The following SDCCAG8 variants were observed in gnomAD, a reference collection of about 807,000 sequenced individuals.
SDCCAG8 encodes the protein SHH signaling and ciliogenesis regulator SDCCAG8, also known as serologically defined colon cancer antigen 8.
In SDCCAG8, 74 loss-of-function variants were observed where a neutral mutation model predicts 101.8. The observed-to-expected ratio is 0.73, with a 90% CI of 0.60 to 0.88. The LOEUF is 0.88. SDCCAG8 is among the 40% of genes least tolerant of loss of function. The pLI is 0.00. For missense variants in SDCCAG8, 787 were observed against 822.6 expected (o/e 0.96, Z 0.53); for synonymous variants, 281 against 292.9 (o/e 0.96, Z 0.41).
At chr1:243,328,388 C>T (rs1414987177) in intron 9 of SDCCAG8, among the ~76,000 whole-genome samples, 3 of 152,138 alleles carry the variant, frequency 2.0e-5, no homozygotes, top group East Asian at 1.9e-4. Context: ...AAGCGATTCT[C>T]CTGCCTCAGC....
intron 7 of SDCCAG8, chr1:243,305,615 A>G (rs2072016858): frequency 1.3e-5 from 2 of 152,160 alleles, no homozygotes; most frequent in Admixed American, 1.3e-4. Context: ...GAGTAGAAAA[A>G]GACAGCAGGA....
At chr1:243,421,942 A>C (rs2148030483) in intron 15 of SDCCAG8, among the ~76,000 whole-genome samples, 1 of 152,332 alleles carries the variant, frequency 6.6e-6, no homozygotes, top group African/African-American at 2.4e-5. Flanking sequence ...TAGATGAATC[A>C]GCAGTAAAAC....
chr1:243,371,228 G>C (rs1286005922), intron 12 of SDCCAG8, among the ~76,000 whole-genome samples: 1 of 152,070 alleles, frequency 6.6e-6, no homozygotes, highest in African/African-American at 2.4e-5. Context: ...GTTTTAGAAG[G>C]CAGACTGTGT....
At chr1:243,391,384 G>A (rs1188805558) in intron 13 of SDCCAG8, among the ~76,000 whole-genome samples, 1 of 152,190 alleles carries the variant, frequency 6.6e-6, no homozygotes, top group East Asian at 1.9e-4. Context: ...AACTCTGTTA[G>A]AGCCACCAAG....
At chr1:243,296,535 CTTTT>C (rs756242066) in intron 6 of SDCCAG8, among the ~76,000 whole-genome samples, 697 of 57,860 alleles carry the variant, frequency 0.012, 1 homozygote, top group Non-Finnish European at 0.017. Flanking sequence ...CCCAACTGCT[CTTTT>C]TTTTTTTTTT....
chr1:243,418,772 C>T (rs758217223), intron 15 of SDCCAG8, among the ~76,000 whole-genome samples: 1 of 152,182 alleles, frequency 6.6e-6, no homozygotes, highest in Non-Finnish European at 1.5e-5. Context: ...ATTTGACCTA[C>T]TTGGACTATA....
chr1:243,390,460 C>T (rs143314230), intron 13 of SDCCAG8, among the ~76,000 whole-genome samples: 1 of 152,328 alleles, frequency 6.6e-6, no homozygotes, highest in Non-Finnish European at 1.5e-5. Flanking sequence ...CTGCTCTGCT[C>T]CACCTGTTTG....
At chr1:243,444,167 C>T (rs569202943) in intron 16 of SDCCAG8, among the ~76,000 whole-genome samples, 1 of 152,114 alleles carries the variant, frequency 6.6e-6, no homozygotes, top group East Asian at 1.9e-4. Flanking sequence ...AATTCAGACA[C>T]CATTTTAATT....
At chr1:243,467,085 G>A (rs1025717231) in intron 16 of SDCCAG8, among the ~76,000 whole-genome samples, 25 of 152,308 alleles carry the variant, frequency 1.6e-4, no homozygotes, top group African/African-American at 4.3e-4. Flanking sequence ...CCCAAACAGC[G>A]CTAAATTCCA....
chr1:243,363,497 A>C lies in SDCCAG8; in HGVS notation c.1474-15224A>C, dbSNP rs561305132. 6.0e-4 allele frequency among the ~76,000 whole-genome samples: 92 copies of C among 152,320 alleles called. 1 individual carries two copies. The South Asian group carries it at 0.019, about 31-fold the overall frequency. On this transcript the variant is annotated intron_variant, in intron 12 of 17. Transcript: ENST00000366541. ...TGGGAAACTCCCAATGAGAGGTCAA[A>C]ATTGAAATGGGGCTGTCTGAAATTC...
chr1:243,390,567 G>A (rs905521201), intron 13 of SDCCAG8, among the ~76,000 whole-genome samples: 1 of 152,176 alleles, frequency 6.6e-6, no homozygotes, highest in Admixed American at 6.5e-5. Flanking sequence ...TCTGCTTAAC[G>A]TTCCCTGGCT....
intron 9 of SDCCAG8, 78 bp from the exon 10 acceptor site, chr1:243,330,462 T>A: frequency 6.8e-7 from 1 of 1,469,858 alleles, no homozygotes; most frequent in South Asian, 1.2e-5. Context: ...TTAAATATAC[T>A]TAAAGCTTAA....
intron 16 of SDCCAG8, among the ~76,000 whole-genome samples, chr1:243,439,261 C>T (rs1166848186): frequency 2.0e-5 from 3 of 152,078 alleles, no homozygotes; most frequent in South Asian, 4.2e-4. Context: ...TTAAGTGATC[C>T]TCCCACCTCA....
At chr1:243,267,948 G>A (rs2067764431) in intron 1 of SDCCAG8, 1 of 790,682 alleles carries the variant, frequency 1.3e-6, no homozygotes, top group East Asian at 2.4e-5. Context: ...GTATTATATT[G>A]GCAAAATAAT....
At chr1:243,342,305 A>G (rs1030953795) in intron 11 of SDCCAG8, among the ~76,000 whole-genome samples, 2 of 152,358 alleles carry the variant, frequency 1.3e-5, no homozygotes, top group East Asian at 1.9e-4. Flanking sequence ...AACTAGCTGA[A>G]AGGACATATA....
intron 6 of SDCCAG8, chr1:243,293,614 A>T: frequency 2.7e-6 from 1 of 377,302 alleles, no homozygotes; most frequent in East Asian, 7.2e-5. Flanking sequence ...TTGTTGTAGC[A>T]TGTGTCAAAA....
At chr1:243,499,288 G>C (rs947807851) in intron 17 of SDCCAG8, among the ~76,000 whole-genome samples, 3 of 152,236 alleles carry the variant, frequency 2.0e-5, no homozygotes, top group African/African-American at 7.2e-5. Flanking sequence ...ATTGCTTGCA[G>C]TTACAAATTT....
chr1:243,269,252 G>C (rs2067883762), intron 1 of SDCCAG8: 1 of 150,718 alleles, frequency 6.6e-6, no homozygotes, highest in South Asian at 2.1e-4. Flanking sequence ...GGCCCAGTCA[G>C]TTTCAGATTA....
intron 9 of SDCCAG8, among the ~76,000 whole-genome samples, chr1:243,329,709 A>AT (rs1449409885): frequency 1.3e-5 from 2 of 152,214 alleles, no homozygotes; most frequent in Non-Finnish European, 2.9e-5. Context: ...ACTAAATTAC[A>AT]TTTGTACCCC....
Sources: allele counts gnomAD v4.1 joint callset (sites outside exome capture counted in the v4.1 genomes callset), GRCh38; gene constraint gnomAD v4.1.1; transcripts MANE v1.5; gene names NCBI Gene and HGNC (gene_info 2026-07-23, HGNC 2026-07-21).